SH3BP2: variants seen among roughly 807,000 people sequenced by gnomAD.
The protein encoded by SH3BP2 is SH3 domain binding protein 2.
A neutral mutation model predicts 56.2 loss-of-function variants in SH3BP2; 38 were observed. That is an observed-to-expected ratio of 0.68 (90% CI 0.52 to 0.89). SH3BP2 has a LOEUF of 0.89. SH3BP2 is among the 40% of genes least tolerant of loss of function. SH3BP2 has a pLI of 0.00. For missense variants in SH3BP2, 748 were observed against 762.6 expected, an observed-to-expected ratio of 0.98 and a Z score of 0.23; for synonymous variants, 346 against 316.7, an observed-to-expected ratio of 1.09 and a Z score of -0.98.
intron 1 of SH3BP2, 70 bp from the exon 2 acceptor site, chr4:2,820,544 C>CA: frequency 6.3e-7 from 1 of 1,599,434 alleles, no homozygotes; most frequent in South Asian, 1.1e-5. Flanking sequence ...CAGTGTCCCC[C>CA]TGAGCGCCCT....
intron 3 of SH3BP2, among the ~76,000 whole-genome samples, chr4:2,824,202 G>T (rs569239149): frequency 6.6e-6 from 1 of 152,302 alleles, no homozygotes; most frequent in African/African-American, 2.4e-5. Context: ...GCAGGCACGA[G>T]TCATTCCCTG....
At chr4:2,822,227 C>T (rs1441666687) in intron 2 of SH3BP2, among the ~76,000 whole-genome samples, 1 of 152,068 alleles carries the variant, frequency 6.6e-6, no homozygotes, top group Admixed American at 6.5e-5. Flanking sequence ...GCGAACACAG[C>T]TCACTGCAGC....
rs1471707862 is a variant in SH3BP2, at chr4:2,810,601, T to C, written c.-4-10013T>C. On this transcript the variant is annotated intron_variant, in intron 1 of 12. Transcript: ENST00000503393. This position sits in a 1 kb window ranked among gnomAD's most constrained non-coding sequence, Gnocchi z 4.2. ...CTGAAGCTGTGCGTTGGCCACCTCA[T>C]TGCCTGTGGATTCCTCCCAACCCTG... is the stretch of plus-strand genomic sequence containing the variant. 2.6e-5 allele frequency among the ~76,000 whole-genome samples: 4 copies of C among 151,898 alleles called. No homozygotes were observed. The highest frequency in any genetic ancestry group is 5.9e-5 in the Non-Finnish European group (4 of 67,956).
rs1354709493 is a variant in SH3BP2 at position 2,823,256 on chromosome 4, C to T, written c.239+219C>T. 5 of 596,824 alleles carry T rather than the reference C, an allele frequency of 8.4e-6. No homozygotes were observed. The East Asian group carries it at 1.6e-4, about 19-fold the overall frequency. 37.0% of individuals were successfully genotyped at this position (596,824 alleles called of 1,614,324 possible). On this transcript the variant is annotated intron_variant, in intron 3 of 12. Coordinates refer to ENST00000503393, the MANE Select transcript of SH3BP2 (RefSeq NM_001122681.2). ...CGCAGGACCTTGGGGGTGCCAGGGT[C>T]TTCCTGTGGCTTTGTGCACAAGTCC...
At chr4:2,813,530 C>G (rs549814951) in intron 1 of SH3BP2, among the ~76,000 whole-genome samples, 2 of 152,132 alleles carry the variant, frequency 1.3e-5, no homozygotes. Flanking sequence ...GGACCCTGGT[C>G]GATTTAGTGA....
intron 1 of SH3BP2, among the ~76,000 whole-genome samples, chr4:2,819,633 C>G (rs1724192601): frequency 6.6e-6 from 1 of 152,070 alleles, no homozygotes; most frequent in African/African-American, 2.4e-5. Context: ...AGGCACAGAC[C>G]AAACAGTGCA....
intron 11 of SH3BP2, 118 bp from the exon 12 acceptor site, chr4:2,832,872 C>A (rs1008415371): frequency 3.8e-6 from 4 of 1,045,630 alleles, no homozygotes; most frequent in South Asian, 1.3e-5. Flanking sequence ...TCCCCGCCCC[C>A]CGAGGGCCAC....
In SH3BP2 at chr4:2,802,562, A is replaced by G. The variant is rs28497633; in HGVS notation, c.-5+9424A>G. ...TGTGTGTGTATATATATGTGTATATATGTATATATGTGTATATGTATATAT... is the reference window on the plus strand; with the variant it reads ...TGTGTGTGTATATATATGTGTATATGTGTATATATGTGTATATGTATATAT... On this transcript the variant is annotated intron_variant, in intron 1 of 12. Coordinates refer to ENST00000503393, the MANE Select transcript of SH3BP2 (RefSeq NM_001122681.2). Among the ~76,000 whole-genome samples the G allele has an allele frequency of 2.6e-4, 35 of 136,344 alleles. No individual in the cohort carries two copies. In the East Asian group the frequency reaches 4.8e-3, roughly 19 times the overall value. The allele number at this position is 136,344 out of a possible 152,430, so 89.4% of individuals were successfully genotyped here. A position where few individuals can be genotyped will look rare whatever the true frequency, so the allele number is the denominator to read the frequency against.
rs562791402 is a variant in SH3BP2, at chr4:2,825,297, C to A, written c.428+101C>A. On this transcript the variant is annotated intron_variant, in intron 5 of 12. Transcript: ENST00000503393. ...CAGCCCCGGGCTTGGCATAGAATTCCGTCCTTAAAGGTTTCCTGGAGGTGC... is the reference window on the plus strand; with the variant it reads ...CAGCCCCGGGCTTGGCATAGAATTCAGTCCTTAAAGGTTTCCTGGAGGTGC... The A allele has an allele frequency of 3.9e-6, 4 of 1,014,296 alleles. No individual in the cohort carries two copies. The South Asian group carries it at 5.5e-5, about 14-fold the overall frequency. 62.8% of individuals were successfully genotyped at this position (1,014,296 alleles called of 1,614,324 possible).
intron 1 of SH3BP2, among the ~76,000 whole-genome samples, chr4:2,801,034 A>AG (rs1328585301): frequency 8.1e-6 from 1 of 123,452 alleles, no homozygotes; most frequent in East Asian, 2.1e-4. Context: ...GGCCTTGGGA[A>AG]GGGGGCTGGA....
chr4:2,827,503 G>A (rs1724735354), intron 6 of SH3BP2, 103 bp from the exon 7 acceptor site: 8 of 1,302,682 alleles, frequency 6.1e-6, no homozygotes, highest in South Asian at 2.5e-5. Context: ...CTCCCAGCAG[G>A]TGCTTGCCCC....
Position 2,831,743 on chromosome 4 carries a change from T to C in SH3BP2, c.1350+64T>C. 2 of 1,448,108 alleles carry C rather than the reference T, an allele frequency of 1.4e-6. No homozygotes were observed. The highest frequency in any genetic ancestry group is 2.4e-5 in the East Asian group (1 of 40,950). 89.7% of individuals were successfully genotyped at this position (1,448,108 alleles called of 1,614,324 possible). On this transcript the variant is annotated intron_variant, in intron 9 of 12. Transcript: ENST00000503393. The surrounding 1 kb of genome is among the most constrained non-coding windows in gnomAD (Gnocchi z 4.1). ...AGGTGGACAGGTGGTGGGAAAGCCA[T>C]AGGCCAGGGCGGCCCCTCACAGACC... is the stretch of plus-strand genomic sequence containing the variant.
intron 1 of SH3BP2, among the ~76,000 whole-genome samples, chr4:2,804,933 G>A (rs1485782387): frequency 2.0e-5 from 3 of 152,242 alleles, no homozygotes; most frequent in African/African-American, 7.2e-5. Context: ...AAAACGAGCA[G>A]TTGGCGATGG....
At chr4:2,825,449 C>G (rs865921305) in intron 5 of SH3BP2, among the ~76,000 whole-genome samples, 1 of 144,052 alleles carries the variant, frequency 6.9e-6, no homozygotes. Context: ...CGCGGACATG[C>G]ACACACACAG....
chr4:2,825,366 G>A, intron 5 of SH3BP2, 170 bp downstream of exon 5: 1 of 678,482 alleles, frequency 1.5e-6, no homozygotes, highest in South Asian at 1.6e-5. Flanking sequence ...GATAAACACA[G>A]ATACAGGACA....
rs553810039 is a variant in SH3BP2, at chr4:2,829,223, T to C, written c.587-270T>C. On this transcript the variant is annotated intron_variant, in intron 7 of 12. Transcript: ENST00000503393. This position sits in a 1 kb window ranked among gnomAD's most constrained non-coding sequence, Gnocchi z 4.9. ...TCTCTTCCTTCCACCTCTGGGAACCTGATGGGCTCCTCAGGTGTCCTCTAG... is the reference window on the plus strand; with the variant it reads ...TCTCTTCCTTCCACCTCTGGGAACCCGATGGGCTCCTCAGGTGTCCTCTAG... Among the ~76,000 whole-genome samples, 19 of 152,212 alleles carry C rather than the reference T, an allele frequency of 1.2e-4. No individual in the cohort carries two copies. The highest frequency in any genetic ancestry group is 1.2e-3 in the Admixed American group (18 of 15,292).
At chr4:2,833,588 G>A (rs1005165612) in intron 12 of SH3BP2, 109 bp from the exon 13 acceptor site, 1 of 1,440,878 alleles carries the variant, frequency 6.9e-7, no homozygotes, top group Non-Finnish European at 9.5e-7. Flanking sequence ...GGCCAGCCTG[G>A]TGATGCCGCT....
chr4:2,829,772 C>T lies in SH3BP2; in HGVS notation c.866C>T (p.Pro289Leu). ...DPPLSTMPTAPGLRKPPCFRE... is the reference protein window; with the variant it reads ...DPPLSTMPTALGLRKPPCFRE... ...CCTCTGAGCACCATGCCCACCGCAC[C>T]CGGCCTCCGGAAACCCCCTTGCTTC... The change falls in exon 8 of 13, where the codon CCC becomes CTC. Residue 289 changes from proline (P) to leucine (L), a missense_variant. Around this residue, in one of 3 missense-constraint regions of SH3BP2, gnomAD observed 635 missense variants for 615.0 expected, o/e 1.03. Coordinates refer to ENST00000503393, the MANE Select transcript of SH3BP2 (RefSeq NM_001122681.2). The surrounding 1 kb of genome is among the most constrained non-coding windows in gnomAD (Gnocchi z 4.9). The T allele has an allele frequency of 1.9e-6, 3 of 1,613,156 alleles. No individual in the cohort carries two copies. Among genetic ancestry groups the T allele is most frequent in the Non-Finnish European group, 2.5e-6 (3 of 1,179,968 alleles).
chr4:2,805,395 C>T (rs958126346), intron 1 of SH3BP2, among the ~76,000 whole-genome samples: 1 of 152,188 alleles, frequency 6.6e-6, no homozygotes, highest in African/African-American at 2.4e-5. Flanking sequence ...GCCAGGGGTC[C>T]CCCGAGATGG....
Sources: gnomAD v4.1 joint callset for allele counts (sites outside exome capture counted in the v4.1 genomes callset) on GRCh38, gnomAD v4.1.1 for gene constraint, gnomAD v4.1.1 regional missense constraint, Gnocchi (gnomAD v3.1) non-coding constraint, MANE v1.5 for transcripts, NCBI Gene and HGNC (gene_info 2026-07-23, HGNC 2026-07-21) for gene names.